Variants in NR4A1 observed in about 807,000 individuals in gnomAD.
The protein encoded by NR4A1 is nuclear receptor subfamily 4immunitygroup A member 1.
In NR4A1, 24 loss-of-function variants were observed where a neutral mutation model predicts 47.5. The ratio of observed to expected loss-of-function variants is 0.50; its 90% CI spans 0.37 to 0.71. The LOEUF (loss-of-function observed/expected upper bound fraction) is 0.71. Among genes scored for constraint, NR4A1 ranks in the 30% least tolerant of loss-of-function variants. The pLI is 0.00. For synonymous variants in NR4A1, 353 were observed against 345.7 expected, an observed-to-expected ratio of 1.02 and a Z score of -0.24; for missense variants, 669 against 788.6, an observed-to-expected ratio of 0.85 and a Z score of 1.82.
intron 1 of NR4A1, among the ~76,000 whole-genome samples, chr12:52,030,718 C>A (rs1938105803): frequency 6.6e-6 from 1 of 152,174 alleles, no homozygotes; most frequent in African/African-American, 2.4e-5. Context: ...CGCGAGCCAC[C>A]ACACCTGGCC....
chr12:52,043,937 G>A, intron 2 of NR4A1: 1 of 1,288,174 alleles, frequency 7.8e-7, no homozygotes, highest in Non-Finnish European at 1.0e-6. Context: ...GGGACATTGA[G>A]GAATGGGAGC....
chr12:52,031,909 A>C (rs1397487870), intron 1 of NR4A1, among the ~76,000 whole-genome samples: 1 of 149,788 alleles, frequency 6.7e-6, no homozygotes, highest in Non-Finnish European at 1.5e-5. Flanking sequence ...CAATTCTCCT[A>C]CCTCAGCCTC....
At chr12:52,043,486 C>T (rs1037142085) in intron 2 of NR4A1, 5 of 268,170 alleles carry the variant, frequency 1.9e-5, no homozygotes, top group South Asian at 8.4e-5. Flanking sequence ...ACCGGGGCCC[C>T]ATGAGTGCTA....
chr12:52,055,047 T>C lies in NR4A1; in HGVS notation c.719T>C (p.Leu240Pro), dbSNP rs765863783. The change falls in exon 2 of 7, where the codon CTT becomes CCT. Residue 240 changes from leucine to proline, a missense_variant. Leu to Pro is a moderately conservative substitution (Grantham distance 98). Coordinates refer to ENST00000394825, the MANE Select transcript of NR4A1 (RefSeq NM_173157.3). Reference sequence around the variant, plus strand: ...GGTTTGGCACCCACTTCTCCACACCTTGAGGGCTCGGGGATACTGGATACA... The same window carrying C: ...GGTTTGGCACCCACTTCTCCACACCCTGAGGGCTCGGGGATACTGGATACA... ...FPGLAPTSPH[L>P]EGSGILDTPV... The C allele has an allele frequency of 2.5e-6, 4 of 1,614,242 alleles. No individual in the cohort carries two copies. Among genetic ancestry groups the C allele is most frequent in the Non-Finnish European group, 3.4e-6 (4 of 1,180,034 alleles).
At chr12:52,051,300 C>T (rs1436061397), upstream of NR4A1, 2 of 604,660 alleles carry the variant, frequency 3.3e-6, no homozygotes. Context: ...CCGCACCTCC[C>T]CCTGGCCGCC....
intron 1 of NR4A1, among the ~76,000 whole-genome samples, chr12:52,033,609 G>A (rs867124192): frequency 1.9e-4 from 29 of 152,260 alleles, no homozygotes; most frequent in African/African-American, 6.5e-4. Flanking sequence ...GAAGTGCTTC[G>A]AAAACACCAA....
At chr12:52,025,579 G>C (rs544614269) in intron 1 of NR4A1, among the ~76,000 whole-genome samples, 51 of 152,220 alleles carry the variant, frequency 3.4e-4, no homozygotes, top group African/African-American at 1.2e-3. Flanking sequence ...TCTATCATTC[G>C]CTAGCAGCTC....
intron 1 of NR4A1, among the ~76,000 whole-genome samples, chr12:52,028,202 C>CA (rs34072500): frequency 9.4e-4 from 58 of 61,774 alleles, no homozygotes; most frequent in Non-Finnish European, 1.1e-3. Context: ...ACCCTGTCTC[C>CA]AAAAAAAAAA....
At chr12:52,048,548 A>G (rs887787194), upstream of NR4A1, among the ~76,000 whole-genome samples, 2 of 152,074 alleles carry the variant, frequency 1.3e-5, no homozygotes, top group African/African-American at 2.4e-5. Context: ...GAGCCGAGAT[A>G]GTGCCACTGC....
At position 52,058,807 on chromosome 12, in the gene NR4A1, C is replaced by G. The variant is rs367846039; in HGVS notation, c.1660C>G (p.Arg554Gly). ...GCCCCAGCCAGCCAGCTGCCTGTCA[C>G]GTCTGTTGGGCAAACTGCCCGAGCT... ...GEPQPASCLSRLLGKLPELRT... is the reference protein window; with the variant it reads ...GEPQPASCLSGLLGKLPELRT... The change falls in exon 7 of 7, where the codon CGT becomes GGT. Residue 554 changes from arginine to glycine, a missense_variant. Physicochemically the swap from Arg to Gly is moderately radical, Grantham distance 125. Transcript: ENST00000394825. 4 of 1,613,532 alleles carry G rather than the reference C, an allele frequency of 2.5e-6. No homozygotes were observed. Among genetic ancestry groups the G allele is most frequent in the East Asian group, 2.2e-5 (1 of 44,888 alleles).
rs934265011 is a variant in NR4A1, at chr12:52,044,826, G to A, written c.37+2897G>A. On this transcript the variant is annotated intron_variant, in intron 2 of 7. Transcript: ENST00000360284. ...GCTGGCCAGGAGCTGAAGAGACTGA[G>A]AGGGAAACTGAGGGAGGTTCAAGGC... 2.0e-5 allele frequency among the ~76,000 whole-genome samples: 3 copies of A among 152,186 alleles called. 1 individual carries two copies. The East Asian group carries it at 5.8e-4, about 29-fold the overall frequency.
At chr12:52,040,854 T>A (rs186904976) in intron 1 of NR4A1, among the ~76,000 whole-genome samples, 2 of 152,264 alleles carry the variant, frequency 1.3e-5, no homozygotes, top group African/African-American at 2.4e-5. Context: ...TGAAGGGCAG[T>A]CCAATAGCCA....
At chr12:52,052,294 TGTGTGTGTGTGAGA>T (rs1211620452) in intron 1 of NR4A1, among the ~76,000 whole-genome samples, 3 of 140,188 alleles carry the variant, frequency 2.1e-5, no homozygotes, top group African/African-American at 5.8e-5. Context: ...TGTGTGTGTG[TGTGTGTGTGTGAGA>T]GAGAGAGAGA....
chr12:52,029,993 C>G (rs950754253), intron 1 of NR4A1, among the ~76,000 whole-genome samples: 29 of 152,330 alleles, frequency 1.9e-4, no homozygotes, highest in African/African-American at 6.7e-4. Context: ...CAGCAGCACA[C>G]CCCTAGAAGT....
At chr12:52,031,924 G>C (rs1938136331) in intron 1 of NR4A1, among the ~76,000 whole-genome samples, 1 of 151,968 alleles carries the variant, frequency 6.6e-6, no homozygotes, top group Non-Finnish European at 1.5e-5. Flanking sequence ...AGCCTCCGGA[G>C]TAGCTGGGAT....
chr12:52,054,005 A>C, intron 1 of NR4A1: 17 of 292,926 alleles, frequency 5.8e-5, no homozygotes, highest in East Asian at 1.2e-4. Context: ...GGCTGGAGGA[A>C]CACAGCTTCC....
chr12:52,038,841 C>G (rs1269820133), intron 1 of NR4A1: 7 of 712,716 alleles, frequency 9.8e-6, no homozygotes, highest in Admixed American at 9.7e-5. Context: ...AGAAAGTCAG[C>G]TGAGGAGTTC....
intron 2 of NR4A1, among the ~76,000 whole-genome samples, chr12:52,042,922 A>G (rs1429174337): frequency 6.6e-6 from 1 of 152,154 alleles, no homozygotes; most frequent in Non-Finnish European, 1.5e-5. Flanking sequence ...GCCTTGAGAA[A>G]TCCCGGATGA....
In NR4A1 at chr12:52,058,549, A is replaced by G. The variant is rs1592310802; in HGVS notation, c.1541-139A>G. ...CTTGTGACGATGCTTACTAATGGCC[A>G]ACATGTGAATGCGCTTTTGTGAAGT... On this transcript the variant is annotated intron_variant, in intron 6 of 6. Coordinates refer to ENST00000394825, the MANE Select transcript of NR4A1 (RefSeq NM_173157.3). 9 of 1,139,240 alleles carry G rather than the reference A, an allele frequency of 7.9e-6. No homozygotes were observed. The East Asian group carries it at 2.4e-4, about 30-fold the overall frequency. The allele number at this position is 1,139,240 out of a possible 1,614,324, so 70.6% of individuals were successfully genotyped here.
Sources: allele counts gnomAD v4.1 joint callset (sites outside exome capture counted in the v4.1 genomes callset), GRCh38; gene constraint gnomAD v4.1.1; transcripts MANE v1.5; gene names NCBI Gene and HGNC (gene_info 2026-07-23, HGNC 2026-07-21).